Variants in DCC observed in about 807,000 individuals in gnomAD.
The protein encoded by DCC is DCC netrin 1 receptor.
A neutral mutation model predicts 172.5 loss-of-function variants in DCC; 58 were observed. The ratio of observed to expected loss-of-function variants is 0.34; its 90% CI spans 0.27 to 0.42. DCC has a LOEUF of 0.42. Ranked by LOEUF, DCC falls within the 10% of genes least tolerant of loss-of-function variation. The pLI is 1.00. For synonymous variants in DCC, 709 were observed against 644.5 expected, an observed-to-expected ratio of 1.10 and a Z score of -1.52; for missense variants, 1,740 against 1,791.0, an observed-to-expected ratio of 0.97 and a Z score of 0.51.
chr18:53,285,802 A>G (rs6508216), intron 12 of DCC, among the ~76,000 whole-genome samples: 137,182 of 152,280 alleles, frequency 0.9, 61,901 homozygotes, highest in Admixed American at 0.93. Flanking sequence ...CCACAGGGGT[A>G]GAGCTGCCAA....
chr18:52,928,917 C>G (rs775590774), intron 5 of DCC, among the ~76,000 whole-genome samples: 3 of 152,090 alleles, frequency 2.0e-5, no homozygotes, highest in Non-Finnish European at 2.9e-5. Context: ...TGCTTGGTGG[C>G]TGGTGGCAAT....
intron 12 of DCC, among the ~76,000 whole-genome samples, chr18:53,260,891 C>T (rs2056589266): frequency 6.6e-6 from 1 of 152,136 alleles, no homozygotes; most frequent in Admixed American, 6.5e-5. Context: ...CCTACTCAAG[C>T]CTCAGCAATC....
intron 1 of DCC, among the ~76,000 whole-genome samples, chr18:52,572,531 C>T (rs958803003): frequency 1.3e-5 from 2 of 152,140 alleles, no homozygotes; most frequent in Non-Finnish European, 2.9e-5. Context: ...TGTGTCAGAG[C>T]TTCTAGAGCT....
At chr18:53,345,849 T>C (rs1421011977) in intron 15 of DCC, among the ~76,000 whole-genome samples, 1 of 152,110 alleles carries the variant, frequency 6.6e-6, no homozygotes, top group Admixed American at 6.5e-5. Flanking sequence ...CATTAGAGTT[T>C]TAGACCATTG....
intron 12 of DCC, among the ~76,000 whole-genome samples, chr18:53,233,048 ATT>A (rs2056147181): frequency 6.6e-6 from 1 of 150,540 alleles, no homozygotes. Flanking sequence ...GATTTATTTT[ATT>A]TTTGCCTTTA....
intron 1 of DCC, among the ~76,000 whole-genome samples, chr18:52,361,043 G>C (rs1984595910): frequency 6.6e-6 from 1 of 152,140 alleles, no homozygotes; most frequent in South Asian, 2.1e-4. Context: ...TCTCACATGA[G>C]GTCACAGCAG....
intron 1 of DCC, among the ~76,000 whole-genome samples, chr18:52,628,579 C>T (rs1434943805): frequency 3.9e-5 from 6 of 152,178 alleles, no homozygotes; most frequent in Admixed American, 2.0e-4. Flanking sequence ...CAATTATAGG[C>T]AGTGAATGTG....
intron 12 of DCC, among the ~76,000 whole-genome samples, chr18:53,262,164 C>A (rs979428319): frequency 6.6e-6 from 1 of 152,180 alleles, no homozygotes; most frequent in Admixed American, 6.5e-5. Flanking sequence ...GCCAACATGG[C>A]AGATTAGCTT....
intron 5 of DCC, among the ~76,000 whole-genome samples, chr18:53,053,757 T>C (rs549041145): frequency 1.3e-5 from 2 of 152,266 alleles, no homozygotes; most frequent in East Asian, 3.9e-4. Flanking sequence ...GGGAACAGGA[T>C]AATTTATTTT....
At chr18:53,042,600 C>A (rs528320932) in intron 5 of DCC, among the ~76,000 whole-genome samples, 1 of 151,740 alleles carries the variant, frequency 6.6e-6, no homozygotes, top group South Asian at 2.1e-4. Context: ...CTACAAAGAA[C>A]TTAAGCAAAT....
chr18:53,199,658 A>T (rs573426366), intron 9 of DCC, among the ~76,000 whole-genome samples: 1 of 152,028 alleles, frequency 6.6e-6, no homozygotes, highest in East Asian at 1.9e-4. Context: ...TTAGGGAAAT[A>T]ATGAATTTGA....
At chr18:52,888,656 TTA>T (rs765709113) in intron 2 of DCC, among the ~76,000 whole-genome samples, 2 of 151,966 alleles carry the variant, frequency 1.3e-5, no homozygotes, top group Non-Finnish European at 2.9e-5. Context: ...TTTTTCTTAA[TTA>T]TGTCAGTTAT....
chr18:52,878,829 A>G (rs1048925891), intron 2 of DCC, among the ~76,000 whole-genome samples: 3 of 152,198 alleles, frequency 2.0e-5, no homozygotes, highest in Non-Finnish European at 2.9e-5. Flanking sequence ...AAGGTATTTC[A>G]AAAGGTGTTG....
chr18:52,348,399 C>T (rs1423833577), intron 1 of DCC, among the ~76,000 whole-genome samples: 1 of 152,164 alleles, frequency 6.6e-6, no homozygotes, highest in East Asian at 1.9e-4. Flanking sequence ...AGACATGTTG[C>T]AGTTACTGAA....
At chr18:53,068,889 G>C (rs1276193135) in intron 7 of DCC, among the ~76,000 whole-genome samples, 1 of 151,552 alleles carries the variant, frequency 6.6e-6, no homozygotes, top group Admixed American at 6.6e-5. Flanking sequence ...ATACAAACCT[G>C]CCCCCAGTGT....
intron 5 of DCC, among the ~76,000 whole-genome samples, chr18:52,953,384 C>G (rs1598965454): frequency 6.6e-6 from 1 of 152,274 alleles, no homozygotes; most frequent in Non-Finnish European, 1.5e-5. Flanking sequence ...ATGTCTTCTC[C>G]AGGGCTTTCC....
chr18:52,946,398 T>C (rs2040545572), intron 5 of DCC, among the ~76,000 whole-genome samples: 1 of 152,240 alleles, frequency 6.6e-6, no homozygotes, highest in South Asian at 2.1e-4. Flanking sequence ...ATTTCCCTTC[T>C]GTACTACGTA....
At chr18:52,505,230 C>A (rs2031187331) in intron 1 of DCC, among the ~76,000 whole-genome samples, 1 of 152,108 alleles carries the variant, frequency 6.6e-6, no homozygotes, top group African/African-American at 2.4e-5. Context: ...TCAGTTTCCA[C>A]CTCAGTATTT....
intron 7 of DCC, among the ~76,000 whole-genome samples, chr18:53,107,710 A>G (rs2043271549): frequency 6.6e-6 from 1 of 151,834 alleles, no homozygotes; most frequent in Non-Finnish European, 1.5e-5. Context: ...TAGCATATTC[A>G]TATTTAAAGA....
Sources: allele counts gnomAD v4.1 joint callset (sites outside exome capture counted in the v4.1 genomes callset), GRCh38; gene constraint gnomAD v4.1.1; transcripts MANE v1.5; gene names NCBI Gene and HGNC (gene_info 2026-07-23, HGNC 2026-07-21).